Variants in TGFBR2 observed in about 807,000 individuals in gnomAD.
TGFBR2 encodes TGF-beta receptor type-2.
In TGFBR2, 18 loss-of-function variants were observed where a neutral mutation model predicts 49.0. That is an observed-to-expected ratio of 0.37 (90% confidence interval 0.25 to 0.54). TGFBR2 has a LOEUF of 0.54. Among genes scored for constraint, TGFBR2 ranks in the 20% least tolerant of loss-of-function variants. The probability of loss-of-function intolerance (pLI) is 0.85; values close to 1 mark genes in which losing one functional copy is unlikely to be tolerated. For synonymous variants in TGFBR2, 282 were observed against 275.9 expected, an observed-to-expected ratio of 1.02 and a Z score of -0.22; for missense variants, 525 against 722.6, an observed-to-expected ratio of 0.73 and a Z score of 3.13.
At chr3:30,656,375 G>T (rs1282345196) in intron 3 of TGFBR2, among the ~76,000 whole-genome samples, 1 of 152,178 alleles carries the variant, frequency 6.6e-6, no homozygotes, top group African/African-American at 2.4e-5. Flanking sequence ...TATTGTATTT[G>T]TATTAGTTTA....
chr3:30,636,018 G>C (rs143907947), intron 1 of TGFBR2, among the ~76,000 whole-genome samples: 5 of 152,272 alleles, frequency 3.3e-5, no homozygotes, highest in Non-Finnish European at 7.4e-5. Flanking sequence ...TCTCAAACTA[G>C]AATATAAGCC....
At chr3:30,680,336 G>A (rs761249838) in intron 5 of TGFBR2, among the ~76,000 whole-genome samples, 1 of 152,128 alleles carries the variant, frequency 6.6e-6, no homozygotes, top group Non-Finnish European at 1.5e-5. Context: ...TGTGTAGCAG[G>A]TCACAGTATT....
At chr3:30,620,859 C>G (rs775989514) in intron 1 of TGFBR2, among the ~76,000 whole-genome samples, 1 of 152,136 alleles carries the variant, frequency 6.6e-6, no homozygotes, top group Non-Finnish European at 1.5e-5. Flanking sequence ...TTCTACCTAC[C>G]TGAGGGTAAA....
chr3:30,608,148 A>G (rs1425303223), intron 1 of TGFBR2, among the ~76,000 whole-genome samples: 1 of 152,012 alleles, frequency 6.6e-6, no homozygotes, highest in Non-Finnish European at 1.5e-5. Context: ...CATATTGGCC[A>G]GGGTGGTCTC....
chr3:30,644,238 GGC>G (rs1411588574), intron 1 of TGFBR2, among the ~76,000 whole-genome samples: 16 of 152,182 alleles, frequency 1.1e-4, no homozygotes, highest in Non-Finnish European at 1.9e-4. Flanking sequence ...CCTTTGGTGT[GGC>G]ACTTCATGAC....
Position 30,650,183 on chromosome 3 carries a change from G to A in TGFBR2, c.264-87G>A, listed in dbSNP as rs545137011. 6 of 1,325,554 alleles carry A rather than the reference G, an allele frequency of 4.5e-6. No individual in the cohort carries two copies. In the Admixed American group the frequency reaches 8.4e-5, roughly 19 times the overall value. 82.1% of individuals were successfully genotyped at this position (1,325,554 alleles called of 1,614,324 possible). A position where few individuals can be genotyped will look rare whatever the true frequency, so the allele number is the denominator to read the frequency against. On this transcript the variant is annotated intron_variant, in intron 2 of 6. Coordinates refer to ENST00000295754, the MANE Select transcript of TGFBR2 (RefSeq NM_003242.6). ...TCATGAAGGAAAAGTATTCCAGATT[G>A]CCTTTCTGTCTGGAGGCCATATTAT...
chr3:30,631,632 T>G (rs1354245119), intron 1 of TGFBR2, among the ~76,000 whole-genome samples: 8 of 141,336 alleles, frequency 5.7e-5, no homozygotes, highest in African/African-American at 2.2e-4. Flanking sequence ...TTTTTTTTTT[T>G]TTTTTTTTTT....
At chr3:30,679,752 C>G (rs976972410) in intron 5 of TGFBR2, among the ~76,000 whole-genome samples, 4 of 152,200 alleles carry the variant, frequency 2.6e-5, no homozygotes, top group African/African-American at 9.7e-5. Context: ...AATCAAAGCC[C>G]TGTTGTCTGA....
intron 3 of TGFBR2, among the ~76,000 whole-genome samples, chr3:30,653,779 G>A (rs1367152783): frequency 6.6e-6 from 1 of 152,158 alleles, no homozygotes; most frequent in African/African-American, 2.4e-5. Context: ...TTTATTTCTA[G>A]TGCTACTATT....
At position 30,606,891 on chromosome 3, in the gene TGFBR2, G is replaced by C. The variant is rs780267559; in HGVS notation, c.8G>C (p.Arg3Pro). ...CGAGCAGCGGGGTCTGCCATGGGTC[G>C]GGGGCTGCTCAGGGGCCTGTGGCCG... The part of the protein sequence containing the change: MG[R>P]GLLRGLWPLH... Residue 3 changes from arginine to proline, a missense_variant, in exon 1 of 7, where the codon CGG becomes CCG. Physicochemically the swap from Arg to Pro is moderately radical, Grantham distance 103. Transcript: ENST00000295754. 1.3e-5 allele frequency: 20 copies of C among 1,569,918 alleles called. No individual in the cohort carries two copies. Among genetic ancestry groups the C allele is most frequent in the Non-Finnish European group, 1.7e-5 (20 of 1,154,940 alleles).
intron 3 of TGFBR2, among the ~76,000 whole-genome samples, chr3:30,660,776 G>A (rs1400594549): frequency 2.0e-5 from 3 of 152,216 alleles, no homozygotes; most frequent in Non-Finnish European, 2.9e-5. Flanking sequence ...TTTTAAAACT[G>A]ATTAAATTAT....
At position 30,606,698 on chromosome 3, in the gene TGFBR2, C is replaced by G; in HGVS notation, c.-186C>G. On this transcript the variant is annotated 5_prime_UTR_variant, in exon 1 of 7. Coordinates refer to ENST00000295754, the MANE Select transcript of TGFBR2 (RefSeq NM_003242.6). ...TTCCCTCGGCCGCCGGGGGCCTCCC[C>G]GCGCCTCGCCGGCCTCCAGGCCCCC... is the stretch of plus-strand genomic sequence containing the variant. 2.5e-6 allele frequency: 1 copy of G among 397,934 alleles called. No individual in the cohort carries two copies. 24.7% of individuals were successfully genotyped at this position (397,934 alleles called of 1,614,324 possible). A position where few individuals can be genotyped will look rare whatever the true frequency, so the allele number is the denominator to read the frequency against.
At chr3:30,670,447 A>G (rs576387492) in intron 3 of TGFBR2, among the ~76,000 whole-genome samples, 2 of 152,368 alleles carry the variant, frequency 1.3e-5, no homozygotes, top group African/African-American at 2.4e-5. Flanking sequence ...GGATCTGAGC[A>G]TGAGGCCTGC....
intron 5 of TGFBR2, among the ~76,000 whole-genome samples, chr3:30,686,652 A>G (rs1699628916): frequency 6.6e-6 from 1 of 152,242 alleles, no homozygotes. Context: ...GTGCAAATGT[A>G]TTGAAAGTTT....
At chr3:30,642,833 A>T (rs1698669928) in intron 1 of TGFBR2, among the ~76,000 whole-genome samples, 1 of 152,194 alleles carries the variant, frequency 6.6e-6, no homozygotes, top group Admixed American at 6.5e-5. Flanking sequence ...TTTCTCCCAA[A>T]TTTCACACAG....
At chr3:30,615,712 T>G (rs1698118526) in intron 1 of TGFBR2, among the ~76,000 whole-genome samples, 1 of 149,784 alleles carries the variant, frequency 6.7e-6, no homozygotes, top group Non-Finnish European at 1.5e-5. Flanking sequence ...TTTATAGCTT[T>G]TAAAAATTTG....
intron 1 of TGFBR2, among the ~76,000 whole-genome samples, chr3:30,616,291 A>T (rs1249142204): frequency 1.3e-5 from 2 of 152,112 alleles, no homozygotes; most frequent in Admixed American, 6.6e-5. Flanking sequence ...ATTTCACAAA[A>T]CCAAAATATT....
chr3:30,673,907 G>T (rs1575158776), intron 4 of TGFBR2, among the ~76,000 whole-genome samples, 198 bp from the exon 5 acceptor site: 1 of 152,082 alleles, frequency 6.6e-6, no homozygotes, highest in Admixed American at 6.5e-5. Flanking sequence ...TCTTTAGAGG[G>T]TTTTCAGGGA....
intron 1 of TGFBR2, among the ~76,000 whole-genome samples, chr3:30,618,483 G>A (rs921563556): frequency 6.6e-5 from 10 of 151,102 alleles, no homozygotes; most frequent in African/African-American, 9.7e-5. Context: ...TGATCCGCCC[G>A]CCTCGGCCTC....
Sources: allele counts gnomAD v4.1 joint callset (sites outside exome capture counted in the v4.1 genomes callset), GRCh38; gene constraint gnomAD v4.1.1; transcripts MANE v1.5; gene names NCBI Gene and HGNC (gene_info 2026-07-23, HGNC 2026-07-21).